The following SUGCT variants were observed in gnomAD, a reference collection of about 807,000 sequenced individuals.
SUGCT encodes succinyl-CoA:glutarate CoA-transferase.
A neutral mutation model predicts 55.0 loss-of-function variants in SUGCT; 41 were observed. The observed-to-expected ratio is 0.74, with a 90% confidence interval of 0.58 to 0.97. The LOEUF (loss-of-function observed/expected upper bound fraction) is 0.97, where lower values mean the gene tolerates loss of function less well. Ranked by LOEUF, SUGCT falls within the 50% of genes least tolerant of loss-of-function variation. SUGCT has a pLI of 0.00. For synonymous variants in SUGCT, 187 were observed against 200.4 expected, an observed-to-expected ratio of 0.93 and a Z score of 0.56; for missense variants, 568 against 547.8, an observed-to-expected ratio of 1.04 and a Z score of -0.37.
intron 12 of SUGCT, among the ~76,000 whole-genome samples, chr7:40,698,961 A>G (rs1785058035): frequency 1.3e-5 from 2 of 152,182 alleles, no homozygotes; most frequent in Non-Finnish European, 2.9e-5. Flanking sequence ...TTTATTACCT[A>G]CTGTGATGAG....
chr7:40,632,964 TG>T (rs1039007211), intron 12 of SUGCT, among the ~76,000 whole-genome samples: 4 of 152,214 alleles, frequency 2.6e-5, no homozygotes, highest in Non-Finnish European at 5.9e-5. Context: ...CAAGCCATGT[TG>T]GTTCATCTTG....
chr7:41,024,300 A>G, the SUGCT span, among the ~76,000 whole-genome samples: 1 of 152,210 alleles, frequency 6.6e-6, no homozygotes, highest in Non-Finnish European at 1.5e-5. Flanking sequence ...GGATTCACTA[A>G]CCGAGACACA....
chr7:40,583,444 C>G, intron 12 of SUGCT, among the ~76,000 whole-genome samples: 1 of 151,894 alleles, frequency 6.6e-6, no homozygotes, highest in East Asian at 1.9e-4. Context: ...CATTGAAAAT[C>G]ACATATCCTT....
At chr7:40,728,515 C>A (rs1584347762) in intron 12 of SUGCT, among the ~76,000 whole-genome samples, 2 of 151,656 alleles carry the variant, frequency 1.3e-5, no homozygotes. Flanking sequence ...GAGACTCAGT[C>A]TCAAAAAAAG....
Position 40,459,116 on chromosome 7 carries a change from G to T in SUGCT, c.904G>T (p.Glu302Ter), listed in dbSNP as rs1789648510. ...ATVCKILDLP[E>*]LIDNSKYKTN... ...TTTCTTTTAGATCTTGGATTTGCCTGAGTTGATTGATAATTCCAAGTATAA... is the reference window on the plus strand; with the variant it reads ...TTTCTTTTAGATCTTGGATTTGCCTTAGTTGATTGATAATTCCAAGTATAA... Residue 302 changes from glutamate (E) to a stop codon, truncating the protein, a stop_gained, in exon 11 of 14, where the codon GAG becomes TAG. Transcript: ENST00000335693. LOFTEE classifies it high-confidence loss of function. The T allele has an allele frequency of 3.7e-6, 6 of 1,610,042 alleles. No homozygotes were observed.
chr7:40,659,677 TAACTA>T lies in SUGCT; in HGVS notation c.1090-89754_1090-89750del, dbSNP rs201068846. Reference sequence around the variant, plus strand: ...AGTGGGCCTTCAGGTTTCTGAAACTTAACTAAATGAAAAACAAAACAGCAGGAAAA... The same window carrying T: ...AGTGGGCCTTCAGGTTTCTGAAACTTAATGAAAAACAAAACAGCAGGAAAA... On this transcript the variant is annotated intron_variant, in intron 12 of 13. Coordinates refer to ENST00000335693, the MANE Select transcript of SUGCT (RefSeq NM_001193313.2). Among the ~76,000 whole-genome samples, 204 of 152,272 alleles carry T rather than the reference TAACTA, an allele frequency of 1.3e-3. 7 individuals are homozygous for T. In the East Asian group the frequency reaches 0.033, roughly 24 times the overall value.
At chr7:40,174,337 G>A (rs1784822729) in intron 1 of SUGCT, among the ~76,000 whole-genome samples, 1 of 152,066 alleles carries the variant, frequency 6.6e-6, no homozygotes. Context: ...ATGGCTCTCT[G>A]TAACCTTGAA....
At chr7:40,187,802 G>A (rs1426220809) in intron 3 of SUGCT, among the ~76,000 whole-genome samples, 1 of 152,132 alleles carries the variant, frequency 6.6e-6, no homozygotes. Context: ...GCATGGTGGT[G>A]CACGCCTGTA....
intron 9 of SUGCT, among the ~76,000 whole-genome samples, chr7:40,368,436 A>G (rs1394350764): frequency 6.6e-6 from 1 of 151,990 alleles, no homozygotes; most frequent in Admixed American, 6.6e-5. Context: ...TGACCTTGTG[A>G]TCCCTCCTCC....
Position 40,406,568 on chromosome 7 carries a change from C to G in SUGCT, c.817-42719C>G, listed in dbSNP as rs982918095. Among the ~76,000 whole-genome samples the G allele has an allele frequency of 2.6e-5, 4 of 152,316 alleles. No individual in the cohort carries two copies. In the South Asian group the frequency reaches 8.3e-4, roughly 32 times the overall value. On this transcript the variant is annotated intron_variant, in intron 9 of 13. Transcript: ENST00000335693. ...AGACAGGTCAGATTTCTTTCACTTT[C>G]AGAGTTTTCTCACTGTCATAATTTT...
intron 12 of SUGCT, among the ~76,000 whole-genome samples, chr7:40,591,671 GC>G (rs1272207949): frequency 2.6e-5 from 4 of 152,098 alleles, no homozygotes; most frequent in African/African-American, 9.7e-5. Context: ...TGAGGAAATT[GC>G]CACAGCCACT....
the SUGCT span, among the ~76,000 whole-genome samples, chr7:40,912,803 A>G: frequency 6.7e-6 from 1 of 149,932 alleles, no homozygotes; most frequent in Non-Finnish European, 1.5e-5. Context: ...TGACTTCACC[A>G]TAATGCAACG....
At chr7:40,973,105 C>A in the SUGCT span, among the ~76,000 whole-genome samples, 1 of 152,096 alleles carries the variant, frequency 6.6e-6, no homozygotes. Flanking sequence ...AGATTGCTTG[C>A]CCCCAGGTTG....
the SUGCT span, among the ~76,000 whole-genome samples, chr7:40,934,106 A>G: frequency 6.6e-5 from 10 of 152,100 alleles, no homozygotes; most frequent in African/African-American, 2.2e-4. Context: ...TTGGTGACCT[A>G]CAGATGGGGT....
intron 13 of SUGCT, among the ~76,000 whole-genome samples, chr7:40,795,587 G>A (rs902208616): frequency 6.6e-6 from 1 of 152,124 alleles, no homozygotes; most frequent in Non-Finnish European, 1.5e-5. Flanking sequence ...TGATGCTTTT[G>A]TGGGGCTTCA....
rs190921128 is a variant in SUGCT at position 40,362,537 on chromosome 7, C to G, written c.816+45682C>G. Among the ~76,000 whole-genome samples, 409 of 152,174 alleles carry G rather than the reference C, an allele frequency of 2.7e-3. 12 individuals carry two copies. In the South Asian group the frequency reaches 0.059, roughly 22 times the overall value. On this transcript the variant is annotated intron_variant, in intron 9 of 13. Coordinates refer to ENST00000335693, the MANE Select transcript of SUGCT (RefSeq NM_001193313.2). ...AAAGCTTCTGGTGTGAGTCTGCATG[C>G]TAGAGAAGGAAGCTTGGGTAAAGAT...
chr7:40,568,105 GCAAGAA>G (rs1796246358), intron 12 of SUGCT, among the ~76,000 whole-genome samples: 1 of 152,122 alleles, frequency 6.6e-6, no homozygotes, highest in African/African-American at 2.4e-5. Flanking sequence ...AGTGGTAGAG[GCAAGAA>G]CCTAAGTTCT....
chr7:41,030,667 A>C, the SUGCT span, among the ~76,000 whole-genome samples: 1 of 152,080 alleles, frequency 6.6e-6, no homozygotes, highest in Admixed American at 6.5e-5. Flanking sequence ...CCCAATTTCC[A>C]TCCTGGATTA....
Position 40,508,135 on chromosome 7 carries a change from A to G in SUGCT, c.1089+11749A>G, listed in dbSNP as rs149147015. The stretch of plus-strand genomic sequence containing the variant: ...TGCCACTGTACCAGACTTCTGGGGT[A>G]AGTTCCACTTTTCCTGAGTAACATT... On this transcript the variant is annotated intron_variant, in intron 12 of 13. Coordinates refer to ENST00000335693, the MANE Select transcript of SUGCT (RefSeq NM_001193313.2). Among the ~76,000 whole-genome samples, 662 of 152,256 alleles carry G rather than the reference A, an allele frequency of 4.3e-3. 4 individuals are homozygous for G. The highest frequency in any genetic ancestry group is 7.8e-3 in the Non-Finnish European group (533 of 68,016).
Sources: gnomAD v4.1 joint callset for allele counts (sites outside exome capture counted in the v4.1 genomes callset) on GRCh38, gnomAD v4.1.1 for gene constraint, MANE v1.5 for transcripts, NCBI Gene and HGNC (gene_info 2026-07-23, HGNC 2026-07-21) for gene names.